HMMR: variants seen among roughly 807,000 people sequenced by gnomAD.
HMMR encodes the protein hyaluronan mediated motility receptor.
A neutral mutation model predicts 101.0 loss-of-function variants in HMMR; 108 were observed. That is an observed-to-expected ratio of 1.07 (90% confidence interval 0.92 to 1.25). The LOEUF is 1.25. Among genes scored for constraint, HMMR ranks in the 50% most tolerant of loss-of-function variants. The pLI is 0.00. For missense variants in HMMR, 813 were observed against 788.7 expected, an observed-to-expected ratio of 1.03 and a Z score of -0.37; for synonymous variants, 296 against 276.4, an observed-to-expected ratio of 1.07 and a Z score of -0.70.
chr5:163,482,846 G>A, intron 13 of HMMR, 58 bp downstream of exon 13: 3 of 1,493,988 alleles, frequency 2.0e-6, no homozygotes, highest in Non-Finnish European at 2.8e-6. Context: ...TTGAAAGCCA[G>A]CTAGTAACTG....
rs1561639213 is a variant in HMMR at position 163,471,416 on chromosome 5, GA to G, written c.604del (p.Ser202ValfsTer9). ...MEMKLQVTQRSLEESQGKIAQ... is the reference protein window; with the variant it reads ...MEMKLQVTQRXLEESQGKIAQ... ...AGATGAAGCTGCAGGTCACCCAAAG[GA>G]GTCTCGAAGAGTCTCAAGGGAAAAT... On this transcript the variant is annotated frameshift_variant, in exon 7 of 18. Transcript: ENST00000393915. LOFTEE classifies it high-confidence loss of function. 1 of 1,613,984 alleles carries G rather than the reference GA, an allele frequency of 6.2e-7. No individual in the cohort carries two copies.
chr5:163,473,494 G>A lies in HMMR; in HGVS notation c.841G>A (p.Val281Ile). 6.3e-7 allele frequency: 1 copy of A among 1,596,664 alleles called. No individual in the cohort carries two copies. Among genetic ancestry groups the A allele is most frequent in the Non-Finnish European group, 8.6e-7 (1 of 1,168,444 alleles). ...TAAGCAGTCTCTTGAGGAGAATATT[G>A]TTATATTATCTAAACAAGTAGAAGA... is the stretch of plus-strand genomic sequence containing the variant. ...SLKQSLEENI[V>I]ILSKQVEDLN... Residue 281 changes from valine to isoleucine, a missense_variant, in exon 9 of 18, where the codon GTT (valine) becomes ATT (isoleucine). Val to Ile is a conservative substitution (Grantham distance 29, BLOSUM62 3). Coordinates refer to ENST00000393915, the MANE Select transcript of HMMR (RefSeq NM_001142556.2).
intron 4 of HMMR, among the ~76,000 whole-genome samples, chr5:163,468,847 C>T (rs549180894): frequency 5.6e-4 from 85 of 152,108 alleles, no homozygotes; most frequent in African/African-American, 1.9e-3. Context: ...TTTTGGCTTC[C>T]ACATTTTCTG....
At position 163,490,345 on chromosome 5, in the gene HMMR, T is replaced by TA. The variant is rs762060544; in HGVS notation, c.1963-44dup. ...ACATTGGTAACACATTTCACTGACA[T>TA]ACTCTTTAATAATTGTTTATTACCT... On this transcript the variant is annotated intron_variant, in intron 16 of 17. Coordinates refer to ENST00000393915, the MANE Select transcript of HMMR (RefSeq NM_001142556.2). 1.5e-5 allele frequency: 19 copies of TA among 1,292,488 alleles called. No homozygotes were observed. In the African/African-American group the frequency reaches 2.8e-4, roughly 19 times the overall value. The allele number at this position is 1,292,488 out of a possible 1,614,324, so 80.1% of individuals were successfully genotyped here. A position where few individuals can be genotyped will look rare whatever the true frequency, so the allele number is the denominator to read the frequency against.
chr5:163,466,476 A>C (rs1046484328), intron 3 of HMMR, among the ~76,000 whole-genome samples: 1 of 152,168 alleles, frequency 6.6e-6, no homozygotes, highest in African/African-American at 2.4e-5. Context: ...CTATTAAAGA[A>C]CTAAATTTTT....
At chr5:163,465,040 T>A in intron 3 of HMMR, 1 of 445,610 alleles carries the variant, frequency 2.2e-6, no homozygotes, top group South Asian at 4.2e-5. Flanking sequence ...ATCACTTCTA[T>A]GTTTAAATTG....
chr5:163,484,761 A>G (rs1759415752), intron 16 of HMMR, among the ~76,000 whole-genome samples: 1 of 151,960 alleles, frequency 6.6e-6, no homozygotes, highest in Non-Finnish European at 1.5e-5. Context: ...ACACTCTCCT[A>G]TCTCCTCACC....
chr5:163,488,170 T>C (rs1759546194), intron 16 of HMMR, among the ~76,000 whole-genome samples: 1 of 152,160 alleles, frequency 6.6e-6, no homozygotes, highest in African/African-American at 2.4e-5. Context: ...TTTTCTTTTT[T>C]ATAATTTCAT....
intron 7 of HMMR, among the ~76,000 whole-genome samples, chr5:163,472,642 G>A (rs989945909): frequency 9.9e-5 from 15 of 152,194 alleles, no homozygotes; most frequent in Non-Finnish European, 2.1e-4. Context: ...TAGGTAGGAA[G>A]TGGTATCTCC....
Position 163,482,695 on chromosome 5 carries a change from C to G in HMMR, c.1439C>G (p.Ser480Ter), listed in dbSNP as rs1759313923. The change falls in exon 13 of 18, where the codon TCA becomes TGA. Residue 480 changes from serine to a stop codon, truncating the protein, a stop_gained. Coordinates refer to ENST00000393915, the MANE Select transcript of HMMR (RefSeq NM_001142556.2). LOFTEE classifies it high-confidence loss of function. The stretch of plus-strand genomic sequence containing the variant: ...GAAGATCTTAAGCTGGAGAACTCAT[C>G]ATTACAGGAAAAAGCGGCCAAGGCT... ...EIEDLKLENSSLQEKAAKAGK... is the reference protein window; with the variant it reads ...EIEDLKLENS 2 of 1,612,554 alleles carry G rather than the reference C, an allele frequency of 1.2e-6. No homozygotes were observed. Among genetic ancestry groups the G allele is most frequent in the Admixed American group, 1.7e-5 (1 of 59,990 alleles).
chr5:163,478,913 A>T lies in HMMR; in HGVS notation c.1385+113A>T. On this transcript the variant is annotated intron_variant, in intron 12 of 17. Transcript: ENST00000393915. ...ACAAAGGATGATTCATACTAGTTTAAATTCCATAATCACCAACCGTAAGTG... is the reference window on the plus strand; with the variant it reads ...ACAAAGGATGATTCATACTAGTTTATATTCCATAATCACCAACCGTAAGTG... 6.6e-6 allele frequency: 4 copies of T among 603,866 alleles called. No homozygotes were observed. In the South Asian group the frequency reaches 8.4e-5, roughly 13 times the overall value. The allele number at this position is 603,866 out of a possible 1,614,324, so 37.4% of individuals were successfully genotyped here. A position where few individuals can be genotyped will look rare whatever the true frequency, so the allele number is the denominator to read the frequency against.
chr5:163,484,300 A>G (rs1357329515), intron 16 of HMMR, 55 bp downstream of exon 16: 8 of 826,436 alleles, frequency 9.7e-6, no homozygotes, highest in Non-Finnish European at 1.5e-5. Context: ...GGTTATTCTA[A>G]CTATAATACT....
At chr5:163,483,676 T>G (rs1311847140) in intron 15 of HMMR, among the ~76,000 whole-genome samples, 2 of 152,190 alleles carry the variant, frequency 1.3e-5, no homozygotes, top group Non-Finnish European at 2.9e-5. Flanking sequence ...GTATGAGCTT[T>G]TGATAATTAA....
chr5:163,467,831 A>G (rs1371345916), intron 4 of HMMR, 83 bp downstream of exon 4: 1 of 849,486 alleles, frequency 1.2e-6, no homozygotes, highest in Non-Finnish European at 1.9e-6. Flanking sequence ...ATTCTGTTGC[A>G]GTGTGAGGAG....
intron 11 of HMMR, 80 bp from the exon 12 acceptor site, chr5:163,478,604 T>A: frequency 1.2e-6 from 1 of 828,444 alleles, no homozygotes. Context: ...GATTCACAGT[T>A]TCAAAGGTAA....
chr5:163,470,579 C>T lies in HMMR; in HGVS notation c.463-606C>T, dbSNP rs541879180. ...CTGAGGCATGAGAATAGCTTGAACT[C>T]GGGAGGTGGAAGTTGCAGTGAGCAA... is the stretch of plus-strand genomic sequence containing the variant. On this transcript the variant is annotated intron_variant, in intron 5 of 17. Transcript: ENST00000393915. Among the ~76,000 whole-genome samples, 272 of 152,158 alleles carry T rather than the reference C, an allele frequency of 1.8e-3. 2 individuals carry two copies. The highest frequency in any genetic ancestry group is 6.0e-3 in the African/African-American group (251 of 41,514).
intron 16 of HMMR, among the ~76,000 whole-genome samples, chr5:163,488,900 C>T (rs1356629619): frequency 6.6e-6 from 1 of 152,148 alleles, no homozygotes; most frequent in Non-Finnish European, 1.5e-5. Flanking sequence ...AACTAGCCTA[C>T]TGTTCAGCCT....
At chr5:163,482,025 C>T (rs1759283873) in intron 12 of HMMR, among the ~76,000 whole-genome samples, 1 of 152,196 alleles carries the variant, frequency 6.6e-6, no homozygotes, top group Non-Finnish European at 1.5e-5. Context: ...AAGTGATTCT[C>T]CTGCCTCAGC....
At chr5:163,484,815 G>A (rs190739742) in intron 16 of HMMR, among the ~76,000 whole-genome samples, 296 of 151,934 alleles carry the variant, frequency 1.9e-3, no homozygotes, top group Admixed American at 3.7e-3. Context: ...TCTACTTTCT[G>A]TCTCTGTTGA....
Sources: gnomAD v4.1 joint callset for allele counts (sites outside exome capture counted in the v4.1 genomes callset) on GRCh38, gnomAD v4.1.1 for gene constraint, MANE v1.5 for transcripts, NCBI Gene and HGNC (gene_info 2026-07-23, HGNC 2026-07-21) for gene names.